The following TANK variants were observed in gnomAD, a reference collection of about 807,000 sequenced individuals.
The protein encoded by TANK is TRAF family member-associated NF-kappa-B activator.
A neutral mutation model predicts 43.6 loss-of-function variants in TANK; 15 were observed. The ratio of observed to expected loss-of-function variants is 0.34; its 90% confidence interval spans 0.23 to 0.53. The LOEUF is 0.53. Among genes scored for constraint, TANK ranks in the 20% least tolerant of loss-of-function variants. TANK has a pLI of 0.94. For missense variants in TANK, 417 were observed against 498.6 expected, an observed-to-expected ratio of 0.84 and a Z score of 1.56; for synonymous variants, 162 against 178.2, an observed-to-expected ratio of 0.91 and a Z score of 0.73.
intron 4 of TANK, among the ~76,000 whole-genome samples, chr2:161,206,608 G>A (rs1188247880): frequency 6.6e-6 from 1 of 151,954 alleles, no homozygotes; most frequent in Non-Finnish European, 1.5e-5. Flanking sequence ...GAGTCATTCA[G>A]TTTTCTTCAC....
At chr2:161,164,068 G>A (rs974502880) in intron 1 of TANK, among the ~76,000 whole-genome samples, 1 of 152,296 alleles carries the variant, frequency 6.6e-6, no homozygotes, top group South Asian at 2.1e-4. Flanking sequence ...ATGTGAATGC[G>A]TGGGTATTTT....
chr2:161,158,265 G>T (rs1669708069), upstream of TANK, among the ~76,000 whole-genome samples: 1 of 152,092 alleles, frequency 6.6e-6, no homozygotes, highest in Non-Finnish European at 1.5e-5. Context: ...ATGAGTGAAG[G>T]AAAATTGGAA....
chr2:161,179,599 C>G lies in TANK; in HGVS notation c.-49-15C>G, dbSNP rs766237513. The stretch of plus-strand genomic sequence containing the variant: ...TAACTTAGTAATTATCTAAATTGAT[C>G]TCATTATTTTGCAGACCTGTCATTT... On this transcript the variant is annotated splice_polypyrimidine_tract_variant and intron_variant, in intron 1 of 7. Coordinates refer to ENST00000392749, the MANE Select transcript of TANK (RefSeq NM_001199135.3). 1.3e-6 allele frequency: 2 copies of G among 1,586,222 alleles called. No individual in the cohort carries two copies. The highest frequency in any genetic ancestry group is 1.7e-6 in the Non-Finnish European group (2 of 1,165,290).
intron 4 of TANK, chr2:161,216,313 G>GAATC (rs1399255792): frequency 2.2e-6 from 1 of 450,468 alleles, no homozygotes; most frequent in East Asian, 7.2e-5. Flanking sequence ...TGGCCACAGT[G>GAATC]AATCTCCTTG....
chr2:161,227,300 G>C (rs1687680665), intron 6 of TANK, among the ~76,000 whole-genome samples: 1 of 152,122 alleles, frequency 6.6e-6, no homozygotes, highest in South Asian at 2.1e-4. Context: ...TCCTCGTTTT[G>C]TTCACAGCGG....
Position 161,165,792 on chromosome 2 carries a change from C to T in TANK, c.-50+5306C>T, listed in dbSNP as rs1021591564. Reference sequence around the variant, plus strand: ...CCCCCATCTTCAGATTCTAACATTGCCCCTAGTCAGAGGAGAGGATACCCC... The same window carrying T: ...CCCCCATCTTCAGATTCTAACATTGTCCCTAGTCAGAGGAGAGGATACCCC... On this transcript the variant is annotated intron_variant, in intron 1 of 7. Coordinates refer to ENST00000392749, the MANE Select transcript of TANK (RefSeq NM_001199135.3). Among the ~76,000 whole-genome samples, 7 of 152,288 alleles carry T rather than the reference C, an allele frequency of 4.6e-5. 1 individual carries two copies. In the East Asian group the frequency reaches 9.6e-4, roughly 21 times the overall value.
intron 1 of TANK, among the ~76,000 whole-genome samples, chr2:161,151,771 A>G (rs572044019): frequency 1.3e-5 from 2 of 152,236 alleles, no homozygotes; most frequent in Middle Eastern, 3.4e-3. Context: ...ATCTACATTT[A>G]AAGTAATTAT....
rs751570487 is a variant in TANK, at chr2:161,179,602, A to C, written c.-49-12A>C. On this transcript the variant is annotated splice_polypyrimidine_tract_variant and intron_variant, in intron 1 of 7. Coordinates refer to ENST00000392749, the MANE Select transcript of TANK (RefSeq NM_001199135.3). ...CTTAGTAATTATCTAAATTGATCTC[A>C]TTATTTTGCAGACCTGTCATTTACT... 6.3e-7 allele frequency: 1 copy of C among 1,591,514 alleles called. No individual in the cohort carries two copies. Among genetic ancestry groups the C allele is most frequent in the Non-Finnish European group, 8.6e-7 (1 of 1,168,298 alleles).
intron 6 of TANK, among the ~76,000 whole-genome samples, chr2:161,227,758 T>G (rs1381729455): frequency 6.6e-6 from 1 of 152,192 alleles, no homozygotes; most frequent in African/African-American, 2.4e-5. Context: ...ACCTCAACAG[T>G]TGGTTTTCCT....
chr2:161,207,153 T>C (rs1162087970), intron 4 of TANK, among the ~76,000 whole-genome samples: 1 of 152,120 alleles, frequency 6.6e-6, no homozygotes, highest in African/African-American at 2.4e-5. Context: ...AAGCTAAGTA[T>C]TTTATCTGTG....
chr2:161,204,881 A>T, intron 4 of TANK, 88 bp downstream of exon 4: 2 of 1,545,482 alleles, frequency 1.3e-6, no homozygotes, highest in Non-Finnish European at 1.7e-6. Flanking sequence ...GATCTGCTGG[A>T]ATTCCAAACA....
chr2:161,222,188 CTT>C (rs1292897855), intron 4 of TANK, among the ~76,000 whole-genome samples: 1 of 152,036 alleles, frequency 6.6e-6, no homozygotes, highest in Non-Finnish European at 1.5e-5. Flanking sequence ...GGAGCACTAT[CTT>C]TACCACTTTC....
chr2:161,198,323 C>G (rs562409360), intron 2 of TANK, among the ~76,000 whole-genome samples: 1 of 152,206 alleles, frequency 6.6e-6, no homozygotes, highest in South Asian at 2.1e-4. Context: ...TTCTCATTTT[C>G]TGGACACACT....
chr2:161,169,616 C>T (rs1035133325), intron 1 of TANK, among the ~76,000 whole-genome samples: 7 of 151,960 alleles, frequency 4.6e-5, no homozygotes, highest in African/African-American at 1.5e-4. Flanking sequence ...AAATTTGTTG[C>T]GAAGGTGAAG....
intron 4 of TANK, chr2:161,212,514 A>C: frequency 1.0e-6 from 1 of 985,354 alleles, no homozygotes; most frequent in Non-Finnish European, 1.2e-6. Flanking sequence ...AATTCAGTAC[A>C]TCATCTTACA....
intron 1 of TANK, among the ~76,000 whole-genome samples, chr2:161,170,791 TA>T (rs1170267609): frequency 6.6e-6 from 1 of 152,182 alleles, no homozygotes; most frequent in East Asian, 1.9e-4. Context: ...ATAGAAAGGT[TA>T]AATGACTTGT....
At chr2:161,161,613 T>C (rs557682796) in intron 1 of TANK, 1 of 808,768 alleles carries the variant, frequency 1.2e-6, no homozygotes, top group Non-Finnish European at 1.9e-6. Context: ...GAAAATGAGA[T>C]TATGCATACT....
chr2:161,154,581 G>C (rs1335640710), intron 1 of TANK, among the ~76,000 whole-genome samples: 2 of 152,078 alleles, frequency 1.3e-5, no homozygotes, highest in African/African-American at 4.8e-5. Context: ...AGTAGCAATG[G>C]GGACATAGAG....
At chr2:161,144,530 C>T (rs1030147967) in intron 1 of TANK, among the ~76,000 whole-genome samples, 2 of 152,132 alleles carry the variant, frequency 1.3e-5, no homozygotes, top group African/African-American at 4.8e-5. Flanking sequence ...CAAAGAACTT[C>T]TTGATTTCTG....
Sources: allele counts gnomAD v4.1 joint callset (sites outside exome capture counted in the v4.1 genomes callset), GRCh38; gene constraint gnomAD v4.1.1; transcripts MANE v1.5; gene names NCBI Gene and HGNC (gene_info 2026-07-23, HGNC 2026-07-21).